The following MARCHF1 variants were observed in gnomAD, a reference collection of about 807,000 sequenced individuals.
MARCHF1 encodes the protein membrane associated ring-CH-type finger 1.
A neutral mutation model predicts 54.2 loss-of-function variants in MARCHF1; 40 were observed. The ratio of observed to expected loss-of-function variants is 0.74; its 90% CI spans 0.57 to 0.96. MARCHF1 has a LOEUF of 0.96. Among genes scored for constraint, MARCHF1 ranks in the 40% least tolerant of loss-of-function variants. The pLI is 0.00. For synonymous variants in MARCHF1, 236 were observed against 236.3 expected (o/e 1.00, Z 0.01); for missense variants, 586 against 656.5 (o/e 0.89, Z 1.17).
At chr4:164,288,798 A>T (rs1734213641) in intron 1 of MARCHF1, among the ~76,000 whole-genome samples, 1 of 152,072 alleles carries the variant, frequency 6.6e-6, no homozygotes, top group Non-Finnish European at 1.5e-5. Flanking sequence ...ACGGGGAAAA[A>T]AATTCCGAGG....
At chr4:164,291,581 G>T (rs1018265785) in intron 1 of MARCHF1, among the ~76,000 whole-genome samples, 1 of 151,906 alleles carries the variant, frequency 6.6e-6, no homozygotes, top group African/African-American at 2.4e-5. Flanking sequence ...AAGAGTATGT[G>T]CACTTCCACA....
At chr4:163,836,435 C>T (rs1290542058) in intron 4 of MARCHF1, among the ~76,000 whole-genome samples, 4 of 143,048 alleles carry the variant, frequency 2.8e-5, no homozygotes, top group Non-Finnish European at 6.1e-5. Flanking sequence ...TTAGTAGAGA[C>T]GGGGTTTCAC....
rs149043831 is a variant in MARCHF1, at chr4:163,896,683, G to A, written c.-38-42514C>T. ...TTTCCTGACATCTATCTCTTATCCT[G>A]GCAATATCCTGGTCAAAAATAGTTA... On this transcript the variant is annotated intron_variant, in intron 3 of 9. Coordinates refer to ENST00000514618, the MANE Select transcript of MARCHF1 (RefSeq NM_001394959.1). Among the ~76,000 whole-genome samples the A allele has an allele frequency of 2.6e-3, 395 of 152,112 alleles. 4 individuals are homozygous for A. Among genetic ancestry groups the A allele is most frequent in the African/African-American group, 8.6e-3 (356 of 41,466 alleles).
chr4:163,617,725 T>G (rs1370462228), intron 5 of MARCHF1, among the ~76,000 whole-genome samples: 1 of 152,156 alleles, frequency 6.6e-6, no homozygotes, highest in Non-Finnish European at 1.5e-5. Flanking sequence ...TAGCAGGCAC[T>G]GAGTAAAGGT....
At chr4:163,777,095 T>A (rs953130947) in intron 4 of MARCHF1, among the ~76,000 whole-genome samples, 1 of 152,180 alleles carries the variant, frequency 6.6e-6, no homozygotes, top group Non-Finnish European at 1.5e-5. Flanking sequence ...TATTTTATGA[T>A]TATTTGCATC....
chr4:163,644,764 C>A (rs1408183942), intron 5 of MARCHF1, among the ~76,000 whole-genome samples: 1 of 152,192 alleles, frequency 6.6e-6, no homozygotes, highest in Non-Finnish European at 1.5e-5. Context: ...CATGAACGGA[C>A]CTGAAAGGTC....
chr4:163,652,181 C>T (rs1366256807), intron 5 of MARCHF1, among the ~76,000 whole-genome samples: 1 of 151,752 alleles, frequency 6.6e-6, no homozygotes, highest in Non-Finnish European at 1.5e-5. Context: ...TCTCAAGTTG[C>T]TCCCATAATA....
intron 1 of MARCHF1, among the ~76,000 whole-genome samples, chr4:164,284,264 G>T (rs1399798093): frequency 6.7e-6 from 1 of 150,222 alleles, no homozygotes; most frequent in African/African-American, 2.5e-5. Flanking sequence ...CAAATGAAAA[G>T]ATATTTAGGA....
intron 1 of MARCHF1, among the ~76,000 whole-genome samples, chr4:164,250,759 G>A (rs997946277): frequency 2.0e-5 from 3 of 151,974 alleles, no homozygotes. Flanking sequence ...AAGATGATAA[G>A]ATATTTTAAC....
intron 4 of MARCHF1, among the ~76,000 whole-genome samples, chr4:163,756,897 G>A (rs1200342310): frequency 6.6e-6 from 1 of 151,784 alleles, no homozygotes; most frequent in African/African-American, 2.4e-5. Context: ...GCCAGGATAT[G>A]AGAAAAAAAA....
At chr4:164,329,120 T>C (rs1735359387) in intron 1 of MARCHF1, among the ~76,000 whole-genome samples, 1 of 152,178 alleles carries the variant, frequency 6.6e-6, no homozygotes, top group Admixed American at 6.5e-5. Flanking sequence ...AATCATTTGA[T>C]CCTTGGAAGA....
At chr4:163,665,609 A>C (rs1196815088) in intron 5 of MARCHF1, among the ~76,000 whole-genome samples, 1 of 152,116 alleles carries the variant, frequency 6.6e-6, no homozygotes, top group African/African-American at 2.4e-5. Context: ...AGAAAATAAA[A>C]ACCTGTTAAG....
At chr4:164,121,042 G>GT (rs1256191947) in intron 1 of MARCHF1, among the ~76,000 whole-genome samples, 1 of 151,910 alleles carries the variant, frequency 6.6e-6, no homozygotes, top group African/African-American at 2.4e-5. Flanking sequence ...ACAAAAAGTT[G>GT]TTTTTTTGAA....
At chr4:164,050,358 G>A (rs1297209119) in intron 2 of MARCHF1, among the ~76,000 whole-genome samples, 3 of 147,866 alleles carry the variant, frequency 2.0e-5, no homozygotes, top group Non-Finnish European at 4.5e-5. Context: ...TCTATTAACG[G>A]CATTTCCATT....
intron 5 of MARCHF1, among the ~76,000 whole-genome samples, chr4:163,685,391 G>C (rs1744234531): frequency 6.6e-6 from 1 of 151,980 alleles, no homozygotes; most frequent in Admixed American, 6.6e-5. Context: ...CTATTGACTA[G>C]CAAAATAAGT....
At chr4:164,107,953 T>A (rs1298162985) in intron 2 of MARCHF1, among the ~76,000 whole-genome samples, 2 of 151,974 alleles carry the variant, frequency 1.3e-5, no homozygotes, top group African/African-American at 2.4e-5. Context: ...ACCTCCTCCA[T>A]CCTCTTTCTT....
chr4:163,674,147 GA>G (rs1217184727), intron 5 of MARCHF1, among the ~76,000 whole-genome samples: 1 of 151,928 alleles, frequency 6.6e-6, no homozygotes, highest in East Asian at 1.9e-4. Flanking sequence ...CCAACACCTG[GA>G]AGATAGTTAT....
intron 1 of MARCHF1, among the ~76,000 whole-genome samples, chr4:164,287,878 T>C (rs1346723247): frequency 2.0e-5 from 3 of 152,300 alleles, no homozygotes; most frequent in Non-Finnish European, 4.4e-5. Flanking sequence ...GGAAATAAAA[T>C]GTCTTAGATA....
intron 1 of MARCHF1, among the ~76,000 whole-genome samples, chr4:164,368,078 A>T (rs1341758186): frequency 6.6e-6 from 1 of 151,674 alleles, no homozygotes; most frequent in Non-Finnish European, 1.5e-5. Context: ...AAACCCAAGA[A>T]ATCAGAAAAT....
Sources: allele counts gnomAD v4.1 joint callset (sites outside exome capture counted in the v4.1 genomes callset), GRCh38; gene constraint gnomAD v4.1.1; transcripts MANE v1.5; gene names NCBI Gene and HGNC (gene_info 2026-07-23, HGNC 2026-07-21).